Variants in NOS1AP observed in about 807,000 individuals in gnomAD.
The protein encoded by NOS1AP is carboxyl-terminal PDZ ligand of neuronal nitric oxide synthase protein.
NOS1AP carries 21 observed loss-of-function variants against 56.2 expected under a neutral mutation model. The observed-to-expected ratio is 0.37, with a 90% CI of 0.26 to 0.54. The LOEUF is 0.54. Ranked by LOEUF, NOS1AP falls within the 20% of genes least tolerant of loss-of-function variation. NOS1AP has a pLI of 0.84. For synonymous variants in NOS1AP, 270 were observed against 274.6 expected (o/e 0.98, Z 0.17); for missense variants, 522 against 657.8 (o/e 0.79, Z 2.26).
intron 2 of NOS1AP, among the ~76,000 whole-genome samples, chr1:162,208,460 A>AG (rs146559684): frequency 0.034 from 5,236 of 152,296 alleles, 129 homozygotes; most frequent in Non-Finnish European, 0.049. Context: ...AGTTCATTTT[A>AG]GCCACCATGT....
At chr1:162,321,731 A>AATAT (rs66879950) in intron 4 of NOS1AP, among the ~76,000 whole-genome samples, 147 of 128,478 alleles carry the variant, frequency 1.1e-3, no homozygotes, top group Middle Eastern at 4.1e-3. Flanking sequence ...AAAAAAAAAA[A>AATAT]ATATATATAT....
intron 1 of NOS1AP, among the ~76,000 whole-genome samples, chr1:162,096,832 T>C (rs1212087984): frequency 6.6e-6 from 1 of 152,218 alleles, no homozygotes; most frequent in Non-Finnish European, 1.5e-5. Flanking sequence ...TATTCTTCTG[T>C]TGATTGCATT....
chr1:162,191,031 A>G (rs575095090), intron 2 of NOS1AP, among the ~76,000 whole-genome samples: 1 of 152,148 alleles, frequency 6.6e-6, no homozygotes, highest in East Asian at 1.9e-4. Context: ...ACTTTTCTAG[A>G]GTCCTGAATG....
chr1:162,289,636 G>A (rs887261860), intron 3 of NOS1AP, among the ~76,000 whole-genome samples: 24 of 151,844 alleles, frequency 1.6e-4, no homozygotes, highest in African/African-American at 4.6e-4. Flanking sequence ...CACTACGCCC[G>A]GCTAATTTTT....
intron 2 of NOS1AP, among the ~76,000 whole-genome samples, chr1:162,271,992 A>C (rs184949115): frequency 1.0e-3 from 156 of 151,892 alleles, no homozygotes; most frequent in African/African-American, 3.6e-3. Flanking sequence ...CAATTCTCCC[A>C]CCTCAGCCTC....
intron 4 of NOS1AP, among the ~76,000 whole-genome samples, chr1:162,301,548 A>G (rs1655664344): frequency 6.6e-6 from 1 of 152,242 alleles, no homozygotes; most frequent in African/African-American, 2.4e-5. Context: ...GGAGACTGGT[A>G]TGATTCCTCT....
At chr1:162,232,356 T>C (rs1247052325) in intron 2 of NOS1AP, among the ~76,000 whole-genome samples, 1 of 152,234 alleles carries the variant, frequency 6.6e-6, no homozygotes, top group Non-Finnish European at 1.5e-5. Context: ...TACTTGACAT[T>C]GTTCACTTCC....
intron 2 of NOS1AP, among the ~76,000 whole-genome samples, chr1:162,201,447 AT>A (rs1407427121): frequency 1.1e-4 from 16 of 152,222 alleles, no homozygotes; most frequent in African/African-American, 2.9e-4. Context: ...AACAATTTAT[AT>A]TTTTTTGAGT....
intron 2 of NOS1AP, among the ~76,000 whole-genome samples, chr1:162,205,494 G>A (rs1237784218): frequency 6.6e-6 from 1 of 152,184 alleles, no homozygotes; most frequent in Non-Finnish European, 1.5e-5. Flanking sequence ...ATCAAAGAAA[G>A]CACAACTTAA....
intron 1 of NOS1AP, among the ~76,000 whole-genome samples, chr1:162,108,741 G>A (rs370198373): frequency 6.6e-6 from 1 of 152,046 alleles, no homozygotes; most frequent in East Asian, 1.9e-4. Context: ...TATACAGGGG[G>A]CAGAGGAATG....
At chr1:162,104,090 A>G (rs1010156144) in intron 1 of NOS1AP, among the ~76,000 whole-genome samples, 2 of 152,196 alleles carry the variant, frequency 1.3e-5, no homozygotes, top group Non-Finnish European at 2.9e-5. Context: ...GAGCTCTTGC[A>G]AGGTAGGTCT....
chr1:162,195,973 T>A (rs1345149065), intron 2 of NOS1AP, among the ~76,000 whole-genome samples: 1 of 152,204 alleles, frequency 6.6e-6, no homozygotes, highest in African/African-American at 2.4e-5. Flanking sequence ...TAAGCCACTG[T>A]CAAAATGATT....
At chr1:162,313,262 A>G (rs1487794858) in intron 4 of NOS1AP, among the ~76,000 whole-genome samples, 2 of 152,238 alleles carry the variant, frequency 1.3e-5, no homozygotes, top group African/African-American at 4.8e-5. Flanking sequence ...AAGGTGAGGC[A>G]TAAGTTTTAA....
At chr1:162,276,845 A>T (rs1654748149) in intron 2 of NOS1AP, among the ~76,000 whole-genome samples, 1 of 152,200 alleles carries the variant, frequency 6.6e-6, no homozygotes. Context: ...ATTTGGGGCC[A>T]TCTTAAGGTG....
At chr1:162,094,842 C>T (rs555077264) in intron 1 of NOS1AP, among the ~76,000 whole-genome samples, 1 of 152,234 alleles carries the variant, frequency 6.6e-6, no homozygotes, top group East Asian at 1.9e-4. Context: ...AACCAGGTAT[C>T]GCTGTCCATT....
rs546202983 is a variant in NOS1AP, at chr1:162,073,648, T to C, written c.105+3366T>C. ...GCTAATTTTGTATTTTTTGTAGAGA[T>C]GGGGCTTTCTCCGTTTTGGTCAGGC... On this transcript the variant is annotated intron_variant, in intron 1 of 9. Coordinates refer to ENST00000361897, the MANE Select transcript of NOS1AP (RefSeq NM_014697.3). Among the ~76,000 whole-genome samples the C allele has an allele frequency of 2.6e-4, 39 of 152,302 alleles. 1 individual carries two copies. In the South Asian group the frequency reaches 2.7e-3, roughly 11 times the overall value.
At chr1:162,102,948 C>G (rs1162321258) in intron 1 of NOS1AP, among the ~76,000 whole-genome samples, 2 of 151,824 alleles carry the variant, frequency 1.3e-5, no homozygotes, top group African/African-American at 4.8e-5. Context: ...CTGCTCTGAC[C>G]TTGGTTATCT....
intron 1 of NOS1AP, among the ~76,000 whole-genome samples, chr1:162,148,237 G>A (rs916763999): frequency 6.6e-6 from 1 of 152,146 alleles, no homozygotes; most frequent in East Asian, 1.9e-4. Flanking sequence ...GGGCACTTGG[G>A]GTGAATCTGT....
chr1:162,073,515 C>T (rs998086696), intron 1 of NOS1AP, among the ~76,000 whole-genome samples: 1 of 152,160 alleles, frequency 6.6e-6, no homozygotes, highest in African/African-American at 2.4e-5. Flanking sequence ...GGCTGGAGTG[C>T]AATGGCATGA....
Sources: allele counts gnomAD v4.1 joint callset (sites outside exome capture counted in the v4.1 genomes callset), GRCh38; gene constraint gnomAD v4.1.1; transcripts MANE v1.5; gene names NCBI Gene and HGNC (gene_info 2026-07-23, HGNC 2026-07-21).